CCDC178: variants seen among roughly 807,000 people sequenced by gnomAD.
CCDC178 encodes the protein coiled-coil domain containing 178.
CCDC178 carries 126 observed loss-of-function variants against 117.4 expected under a neutral mutation model. The ratio of observed to expected loss-of-function variants is 1.07; its 90% CI spans 0.93 to 1.24. CCDC178 has a LOEUF of 1.24. Ranked by LOEUF, CCDC178 falls within the 50% of genes most tolerant of loss-of-function variation. The pLI is 0.00. For synonymous variants in CCDC178, 283 were observed against 313.4 expected, an observed-to-expected ratio of 0.90 and a Z score of 1.02; for missense variants, 1,030 against 986.9, an observed-to-expected ratio of 1.04 and a Z score of -0.59.
chr18:33,165,585 C>T (rs1236279839), intron 20 of CCDC178, among the ~76,000 whole-genome samples: 1 of 152,166 alleles, frequency 6.6e-6, no homozygotes, highest in East Asian at 1.9e-4. Flanking sequence ...GTTTTATGGA[C>T]AATAAATATT....
At chr18:33,423,862 G>A (rs1014887949) in intron 2 of CCDC178, among the ~76,000 whole-genome samples, 8 of 152,100 alleles carry the variant, frequency 5.3e-5, no homozygotes, top group African/African-American at 1.9e-4. Context: ...AAAAATTAAA[G>A]CCTCAAAGTC....
chr18:32,967,065 G>T (rs914113943), intron 22 of CCDC178, among the ~76,000 whole-genome samples: 3 of 151,508 alleles, frequency 2.0e-5, no homozygotes, highest in Non-Finnish European at 4.4e-5. Flanking sequence ...AAACTATTTT[G>T]TAACTTTTAT....
At chr18:32,944,919 G>C (rs569067436) in intron 22 of CCDC178, among the ~76,000 whole-genome samples, 1 of 152,092 alleles carries the variant, frequency 6.6e-6, no homozygotes, top group African/African-American at 2.4e-5. Flanking sequence ...GCCTTCTGCC[G>C]TGACTGTGAG....
intron 22 of CCDC178, among the ~76,000 whole-genome samples, chr18:32,970,660 C>T (rs1455081409): frequency 6.6e-6 from 1 of 151,978 alleles, no homozygotes; most frequent in Non-Finnish European, 1.5e-5. Flanking sequence ...TCCTTTAAAA[C>T]AATTGGATAT....
chr18:33,414,685 C>A (rs1300087431), intron 2 of CCDC178, among the ~76,000 whole-genome samples: 1 of 152,244 alleles, frequency 6.6e-6, no homozygotes, highest in East Asian at 1.9e-4. Context: ...GCAACAAAAG[C>A]CGAAATTGAC....
intron 21 of CCDC178, among the ~76,000 whole-genome samples, chr18:33,049,810 CA>C (rs1278973590): frequency 2.6e-5 from 4 of 152,242 alleles, no homozygotes; most frequent in African/African-American, 9.6e-5. Flanking sequence ...AGGCCAGGCA[CA>C]GTGGCTCATG....
intron 21 of CCDC178, among the ~76,000 whole-genome samples, chr18:32,998,312 A>G (rs1352769282): frequency 1.3e-5 from 2 of 152,170 alleles, no homozygotes; most frequent in African/African-American, 4.8e-5. Flanking sequence ...CATTTATCTC[A>G]GCAATCAGAA....
chr18:33,250,266 T>C (rs1390294385), intron 14 of CCDC178, among the ~76,000 whole-genome samples: 1 of 151,822 alleles, frequency 6.6e-6, no homozygotes. Flanking sequence ...TGTTCAATAG[T>C]AATTTATTTT....
intron 21 of CCDC178, among the ~76,000 whole-genome samples, chr18:33,028,070 G>A (rs976044524): frequency 6.6e-5 from 10 of 151,560 alleles, no homozygotes; most frequent in Admixed American, 6.6e-5. Flanking sequence ...TCTAAATTTC[G>A]ATTTAAAGAA....
At chr18:33,374,771 G>C (rs1307652533) in intron 5 of CCDC178, among the ~76,000 whole-genome samples, 1 of 152,062 alleles carries the variant, frequency 6.6e-6, no homozygotes, top group Non-Finnish European at 1.5e-5. Context: ...ATTATACAAG[G>C]GAATGGTATT....
At chr18:33,037,871 A>G (rs1271632106) in intron 21 of CCDC178, among the ~76,000 whole-genome samples, 2 of 151,980 alleles carry the variant, frequency 1.3e-5, no homozygotes, top group African/African-American at 4.8e-5. Context: ...TAGAATAGGA[A>G]TGGGAGAAGG....
At chr18:33,063,621 G>C (rs1249821730) in intron 21 of CCDC178, among the ~76,000 whole-genome samples, 1 of 152,052 alleles carries the variant, frequency 6.6e-6, no homozygotes, top group East Asian at 1.9e-4. Flanking sequence ...CACTACACAC[G>C]CTGTACACAG....
At chr18:33,061,300 C>A (rs1410260316) in intron 21 of CCDC178, among the ~76,000 whole-genome samples, 6 of 152,056 alleles carry the variant, frequency 3.9e-5, no homozygotes, top group East Asian at 1.9e-4. Context: ...GTATATTCAA[C>A]TCATTTTGTA....
At chr18:33,302,798 T>C (rs889260467) in intron 11 of CCDC178, among the ~76,000 whole-genome samples, 1 of 152,056 alleles carries the variant, frequency 6.6e-6, no homozygotes, top group Non-Finnish European at 1.5e-5. Flanking sequence ...GTATGGAAGC[T>C]AAAAAACAGT....
intron 20 of CCDC178, among the ~76,000 whole-genome samples, chr18:33,207,804 G>A (rs190108936): frequency 6.6e-6 from 1 of 152,008 alleles, no homozygotes; most frequent in Non-Finnish European, 1.5e-5. Context: ...GTGACATGAT[G>A]CTAGAGAGAG....
chr18:33,186,113 T>C (rs1007280407), intron 20 of CCDC178, among the ~76,000 whole-genome samples: 1 of 152,080 alleles, frequency 6.6e-6, no homozygotes. Context: ...ATACATATGA[T>C]GTAGTTGATG....
chr18:33,335,016 C>A (rs1464993716), intron 9 of CCDC178, among the ~76,000 whole-genome samples: 3 of 151,980 alleles, frequency 2.0e-5, no homozygotes, highest in Non-Finnish European at 4.4e-5. Context: ...TAATCTGAAT[C>A]AGTTATACAT....
chr18:33,147,142 T>C (rs2058277191), intron 20 of CCDC178, among the ~76,000 whole-genome samples: 1 of 96,086 alleles, frequency 1.0e-5, no homozygotes, highest in Non-Finnish European at 1.9e-5. Context: ...AGCTGATTTC[T>C]TTTTTTTTTT....
At chr18:33,316,468 C>T (rs998026110) in intron 11 of CCDC178, among the ~76,000 whole-genome samples, 3 of 152,040 alleles carry the variant, frequency 2.0e-5, no homozygotes, top group Admixed American at 6.5e-5. Flanking sequence ...CGCACCCCTC[C>T]CCCCACACGC....
Sources: allele counts gnomAD v4.1 joint callset (sites outside exome capture counted in the v4.1 genomes callset), GRCh38; gene constraint gnomAD v4.1.1; transcripts MANE v1.5; gene names NCBI Gene and HGNC (gene_info 2026-07-23, HGNC 2026-07-21).